The following CAPN13 variants were observed in gnomAD, a reference collection of about 807,000 sequenced individuals.
CAPN13 encodes the protein calpain 13.
In CAPN13, 90 loss-of-function variants were observed where a neutral mutation model predicts 98.4. That is an observed-to-expected ratio of 0.92 (90% CI 0.77 to 1.09). The LOEUF (loss-of-function observed/expected upper bound fraction) is 1.09. CAPN13 is among the 50% of genes least tolerant of loss of function. The pLI, the probability that CAPN13 is intolerant of heterozygous loss-of-function variation, is 0.00. For synonymous variants in CAPN13, 330 were observed against 305.5 expected (o/e 1.08, Z -0.84); for missense variants, 887 against 841.3 (o/e 1.05, Z -0.67).
chr2:30,725,492 C>G (rs1185015161), intron 22 of CAPN13, among the ~76,000 whole-genome samples: 1 of 152,180 alleles, frequency 6.6e-6, no homozygotes, highest in East Asian at 1.9e-4. Context: ...AGTCCAAGGG[C>G]AGATAAAAGA....
chr2:30,722,915 C>G lies in CAPN13; in HGVS notation c.*352G>C, dbSNP rs1670742093. ...CCGAGGGTGGTCAAAGTGGCTCATT[C>G]TGGCTCTTCCAAGAAATGAATCCAA... On this transcript the variant is annotated 3_prime_UTR_variant, in exon 23 of 23. Coordinates refer to ENST00000295055, the MANE Select transcript of CAPN13 (RefSeq NM_144575.3). 6.6e-6 allele frequency: 1 copy of G among 152,286 alleles called. No individual in the cohort carries two copies. The highest frequency in any genetic ancestry group is 1.5e-5 in the Non-Finnish European group (1 of 68,066). 9.4% of individuals were successfully genotyped at this position (152,286 alleles called of 1,614,324 possible). A position where few individuals can be genotyped will look rare whatever the true frequency, so the allele number is the denominator to read the frequency against.
At chr2:30,738,594 G>T in intron 15 of CAPN13, 137 bp from the exon 16 acceptor site, 1 of 878,452 alleles carries the variant, frequency 1.1e-6, no homozygotes, top group African/African-American at 1.7e-5. Flanking sequence ...TCGTCATGAA[G>T]ACTTACCTGA....
At chr2:30,737,966 GACACAC>G (rs71831494) in intron 17 of CAPN13, 141,111 of 371,674 alleles carry the variant, frequency 0.38, 17,964 homozygotes, top group Non-Finnish European at 0.43. Context: ...GAATTATAAG[GACACAC>G]ACACACACAC....
intron 2 of CAPN13, among the ~76,000 whole-genome samples, chr2:30,784,167 A>T: frequency 6.6e-6 from 1 of 150,820 alleles, no homozygotes; most frequent in East Asian, 1.9e-4. Context: ...GCAACAGAAC[A>T]AGACTCCATC....
At chr2:30,730,143 A>G (rs568191617) in intron 22 of CAPN13, among the ~76,000 whole-genome samples, 4 of 152,298 alleles carry the variant, frequency 2.6e-5, no homozygotes, top group Non-Finnish European at 5.9e-5. Context: ...ATTCTAGAAG[A>G]CTGATGGGGC....
At chr2:30,801,961 G>T (rs962193684) in intron 1 of CAPN13, among the ~76,000 whole-genome samples, 1 of 152,174 alleles carries the variant, frequency 6.6e-6, no homozygotes, top group Non-Finnish European at 1.5e-5. Flanking sequence ...GTGACTCTCA[G>T]ATGGAGCTTT....
intron 11 of CAPN13, among the ~76,000 whole-genome samples, chr2:30,750,574 C>A (rs1185600658): frequency 6.6e-6 from 1 of 152,080 alleles, no homozygotes; most frequent in Non-Finnish European, 1.5e-5. Flanking sequence ...CGACTTTGGT[C>A]TAAACGTAAG....
intron 4 of CAPN13, among the ~76,000 whole-genome samples, chr2:30,770,980 A>G (rs1331533012): frequency 6.6e-6 from 1 of 152,172 alleles, no homozygotes; most frequent in Non-Finnish European, 1.5e-5. Flanking sequence ...GAGACAGATG[A>G]CATGGATGGC....
intron 10 of CAPN13, among the ~76,000 whole-genome samples, chr2:30,752,506 T>C (rs1322282654): frequency 6.6e-6 from 1 of 152,196 alleles, no homozygotes; most frequent in Non-Finnish European, 1.5e-5. Flanking sequence ...CCTGTGGGAC[T>C]TCAGCAGGGA....
intron 1 of CAPN13, among the ~76,000 whole-genome samples, chr2:30,791,220 A>G (rs2148083983): frequency 6.6e-6 from 1 of 152,372 alleles, no homozygotes; most frequent in South Asian, 2.1e-4. Flanking sequence ...ATGACAGAGC[A>G]GCAACAGTGA....
intron 11 of CAPN13, chr2:30,746,567 G>A (rs2147978929): frequency 5.7e-6 from 1 of 175,664 alleles, no homozygotes. Flanking sequence ...TGCAGCCTGA[G>A]GATGTCAGCC....
intron 5 of CAPN13, among the ~76,000 whole-genome samples, chr2:30,769,772 AC>A (rs1673300883): frequency 6.6e-6 from 1 of 151,940 alleles, no homozygotes; most frequent in Non-Finnish European, 1.5e-5. Context: ...GTCCTGCCCC[AC>A]CCCCACACAT....
intron 2 of CAPN13, among the ~76,000 whole-genome samples, chr2:30,782,971 C>A (rs1047227815): frequency 1.3e-5 from 2 of 152,182 alleles, no homozygotes; most frequent in African/African-American, 4.8e-5. Flanking sequence ...TCAATAGCCA[C>A]ACGGGACTAG....
intron 14 of CAPN13, 151 bp downstream of exon 14, chr2:30,742,175 T>A: frequency 9.4e-7 from 1 of 1,059,358 alleles, no homozygotes; most frequent in East Asian, 2.6e-5. Context: ...CTTCTCCCCC[T>A]ACCCCGCCCC....
At chr2:30,778,721 G>A (rs930277969) in intron 2 of CAPN13, among the ~76,000 whole-genome samples, 1 of 152,130 alleles carries the variant, frequency 6.6e-6, no homozygotes, top group Non-Finnish European at 1.5e-5. Flanking sequence ...GCAAACACAG[G>A]GTCCTGGCTG....
intron 5 of CAPN13, among the ~76,000 whole-genome samples, chr2:30,767,351 C>A (rs148722894): frequency 6.6e-6 from 1 of 152,302 alleles, no homozygotes; most frequent in African/African-American, 2.4e-5. Context: ...GTATCCTCTG[C>A]AGATTTCTTT....
At chr2:30,806,519 G>A (rs72853810) in intron 1 of CAPN13, among the ~76,000 whole-genome samples, 1 of 152,172 alleles carries the variant, frequency 6.6e-6, no homozygotes, top group Non-Finnish European at 1.5e-5. Context: ...CCACTCGGGG[G>A]TAACCAAAGT....
At chr2:30,728,226 A>G (rs1670928149) in intron 22 of CAPN13, among the ~76,000 whole-genome samples, 1 of 151,044 alleles carries the variant, frequency 6.6e-6, no homozygotes, top group East Asian at 1.9e-4. Flanking sequence ...GGTGATAAAA[A>G]TGTTCTAACA....
At chr2:30,796,358 G>A (rs1674883969) in intron 1 of CAPN13, among the ~76,000 whole-genome samples, 1 of 151,590 alleles carries the variant, frequency 6.6e-6, no homozygotes, top group African/African-American at 2.4e-5. Flanking sequence ...CTATGACAGT[G>A]CAACGTAGCA....
Sources: gnomAD v4.1 joint callset for allele counts (sites outside exome capture counted in the v4.1 genomes callset) on GRCh38, gnomAD v4.1.1 for gene constraint, MANE v1.5 for transcripts, NCBI Gene and HGNC (gene_info 2026-07-23, HGNC 2026-07-21) for gene names.